Variants in SNTG1 observed in about 807,000 individuals in gnomAD.
SNTG1 encodes gamma-1-syntrophin.
A neutral mutation model predicts 74.7 loss-of-function variants in SNTG1; 39 were observed. That is an observed-to-expected ratio of 0.52 (90% CI 0.40 to 0.68). The LOEUF is 0.68. SNTG1 is among the 30% of genes least tolerant of loss of function. The pLI is 0.00. For synonymous variants in SNTG1, 254 were observed against 217.1 expected (o/e 1.17, Z -1.49); for missense variants, 685 against 609.5 (o/e 1.12, Z -1.30).
chr8:50,640,620 T>G (rs1387136603), intron 13 of SNTG1, among the ~76,000 whole-genome samples: 1 of 152,192 alleles, frequency 6.6e-6, no homozygotes, highest in Non-Finnish European at 1.5e-5. Flanking sequence ...GTAATGATTC[T>G]AATCTCTGGA....
chr8:50,255,539 T>C (rs1270274128), intron 2 of SNTG1, among the ~76,000 whole-genome samples: 2 of 152,188 alleles, frequency 1.3e-5, no homozygotes, highest in Admixed American at 6.5e-5. Context: ...CTTCTGAGAC[T>C]TGTGAGCAAG....
intron 8 of SNTG1, among the ~76,000 whole-genome samples, chr8:50,474,102 C>G (rs1300353338): frequency 1.3e-5 from 2 of 151,936 alleles, no homozygotes; most frequent in Admixed American, 1.3e-4. Flanking sequence ...AAAACTGCTG[C>G]ACACTTAAAA....
At chr8:50,118,907 T>C (rs1038262733) in intron 1 of SNTG1, among the ~76,000 whole-genome samples, 1 of 140,844 alleles carries the variant, frequency 7.1e-6, no homozygotes, top group African/African-American at 2.6e-5. Flanking sequence ...TTCTTTGTAT[T>C]AGACTTAGCA....
chr8:50,662,363 G>A (rs1585999112), intron 15 of SNTG1, among the ~76,000 whole-genome samples: 1 of 152,160 alleles, frequency 6.6e-6, no homozygotes, highest in East Asian at 1.9e-4. Context: ...CAAAAATGAA[G>A]CAATAAGGTT....
At chr8:50,150,801 G>C (rs1395364629) in intron 1 of SNTG1, among the ~76,000 whole-genome samples, 2 of 152,202 alleles carry the variant, frequency 1.3e-5, no homozygotes, top group African/African-American at 2.4e-5. Flanking sequence ...TGTGCTGCTG[G>C]ATTCGGTTTG....
At chr8:50,069,093 T>A (rs1821135885) in intron 1 of SNTG1, among the ~76,000 whole-genome samples, 1 of 152,204 alleles carries the variant, frequency 6.6e-6, no homozygotes, top group South Asian at 2.1e-4. Flanking sequence ...AGTACCTTCC[T>A]TTCAAAGCTA....
At chr8:49,992,099 C>A (rs1391994002) in intron 1 of SNTG1, among the ~76,000 whole-genome samples, 1 of 152,132 alleles carries the variant, frequency 6.6e-6, no homozygotes, top group African/African-American at 2.4e-5. Context: ...CTGGAACACA[C>A]TGGAAACTTA....
chr8:50,291,239 CAT>C (rs1228475411), intron 2 of SNTG1, among the ~76,000 whole-genome samples: 3 of 84,328 alleles, frequency 3.6e-5, no homozygotes, highest in African/African-American at 7.7e-5. Context: ...GAGAGACAGA[CAT>C]ATGTGTGTGT....
chr8:50,795,289 CT>C lies in SNTG1; in HGVS notation c.*2461del, dbSNP rs1373490005. 1 of 151,942 alleles carries C rather than the reference CT, an allele frequency of 6.6e-6. No homozygotes were observed. The highest frequency in any genetic ancestry group is 1.5e-5 in the Non-Finnish European group (1 of 67,948). 9.4% of individuals were successfully genotyped at this position (151,942 alleles called of 1,614,324 possible). On this transcript the variant is annotated 3_prime_UTR_variant, in exon 19 of 19. Coordinates refer to ENST00000642720, the MANE Select transcript of SNTG1 (RefSeq NM_018967.5). ...AGCCAAAAAGTAACAAAATACTATTCTCGTTTTCATCAGTTTAACAATTAGT... is the reference window on the plus strand; with the variant it reads ...AGCCAAAAAGTAACAAAATACTATTCCGTTTTCATCAGTTTAACAATTAGT...
At chr8:50,718,215 G>A (rs1301402583) in intron 17 of SNTG1, among the ~76,000 whole-genome samples, 1 of 152,148 alleles carries the variant, frequency 6.6e-6, no homozygotes, top group Non-Finnish European at 1.5e-5. Context: ...AAGGAAGATT[G>A]AAAGGCAAGT....
chr8:50,552,943 T>C (rs1478473773), intron 11 of SNTG1, 107 bp from the exon 12 acceptor site: 1 of 1,327,558 alleles, frequency 7.5e-7, no homozygotes, highest in Non-Finnish European at 1.0e-6. Flanking sequence ...ATTTGGAGGC[T>C]GATATTTATA....
intron 13 of SNTG1, among the ~76,000 whole-genome samples, chr8:50,655,900 A>G (rs1349315158): frequency 6.6e-6 from 1 of 152,188 alleles, no homozygotes; most frequent in East Asian, 1.9e-4. Flanking sequence ...GGCTTGGTCC[A>G]GGTGTTAAGC....
At chr8:50,783,837 T>G (rs1470147229) in intron 18 of SNTG1, among the ~76,000 whole-genome samples, 1 of 152,246 alleles carries the variant, frequency 6.6e-6, no homozygotes, top group Non-Finnish European at 1.5e-5. Context: ...TTTGGCCATC[T>G]TGGCTCCAGA....
intron 1 of SNTG1, among the ~76,000 whole-genome samples, chr8:50,147,036 T>A (rs1454201742): frequency 2.0e-5 from 3 of 151,076 alleles, no homozygotes; most frequent in African/African-American, 4.9e-5. Context: ...AATTTTTAAT[T>A]TTTTTTTTAC....
At chr8:50,336,625 C>T (rs17698418) in intron 2 of SNTG1, among the ~76,000 whole-genome samples, 7,540 of 152,260 alleles carry the variant, frequency 0.05, 239 homozygotes, top group Middle Eastern at 0.11. Context: ...TCTGTGAATG[C>T]CCAGCATTAG....
At chr8:50,531,489 A>G (rs556646190) in intron 10 of SNTG1, among the ~76,000 whole-genome samples, 41 of 152,258 alleles carry the variant, frequency 2.7e-4, no homozygotes, top group African/African-American at 8.7e-4. Flanking sequence ...TTATTTTGTA[A>G]TTGCTTTGCT....
intron 1 of SNTG1, among the ~76,000 whole-genome samples, chr8:50,031,188 T>G (rs11781074): frequency 0.16 from 23,979 of 151,996 alleles, 2,354 homozygotes; most frequent in Middle Eastern, 0.27. Context: ...ATACAGTTGA[T>G]TTTTGTGTGT....
intron 1 of SNTG1, among the ~76,000 whole-genome samples, chr8:49,913,137 T>C (rs2129334409): frequency 6.6e-6 from 1 of 152,330 alleles, no homozygotes; most frequent in East Asian, 1.9e-4. Flanking sequence ...CACAAATTTG[T>C]AACCCGTGCC....
chr8:50,303,800 A>G (rs2089757545), intron 2 of SNTG1, among the ~76,000 whole-genome samples: 1 of 152,194 alleles, frequency 6.6e-6, no homozygotes, highest in Admixed American at 6.5e-5. Context: ...TGGACATGGC[A>G]AATGTAGTCA....
Sources: allele counts gnomAD v4.1 joint callset (sites outside exome capture counted in the v4.1 genomes callset), GRCh38; gene constraint gnomAD v4.1.1; transcripts MANE v1.5; gene names NCBI Gene and HGNC (gene_info 2026-07-23, HGNC 2026-07-21).